The following VIRMA variants were observed in gnomAD, a reference collection of about 807,000 sequenced individuals.
The protein encoded by VIRMA is protein virilizer homolog.
A neutral mutation model predicts 182.4 loss-of-function variants in VIRMA; 65 were observed. That is an observed-to-expected ratio of 0.36 (90% CI 0.29 to 0.44). The LOEUF (loss-of-function observed/expected upper bound fraction) is 0.44, where lower values mean the gene tolerates loss of function less well. VIRMA is among the 20% of genes least tolerant of loss of function. VIRMA has a pLI of 1.00. For missense variants in VIRMA, 1,752 were observed against 2,158.1 expected, an observed-to-expected ratio of 0.81 and a Z score of 3.73; for synonymous variants, 709 against 743.1, an observed-to-expected ratio of 0.95 and a Z score of 0.75.
rs188488261 is a variant in VIRMA at position 94,542,433 on chromosome 8, A to G, written c.179+1394T>C. Among the ~76,000 whole-genome samples, 3 of 152,226 alleles carry G rather than the reference A, an allele frequency of 2.0e-5. No homozygotes were observed. In the East Asian group the frequency reaches 5.8e-4, roughly 29 times the overall value. On this transcript the variant is annotated intron_variant, in intron 2 of 23. Coordinates refer to ENST00000297591, the MANE Select transcript of VIRMA (RefSeq NM_015496.5). ...CAGTGTATATCTTGACTACAACTTCATGAAAGAACCTGAGCCAGCTAAGCG... is the reference window on the plus strand; with the variant it reads ...CAGTGTATATCTTGACTACAACTTCGTGAAAGAACCTGAGCCAGCTAAGCG...
intron 5 of VIRMA, among the ~76,000 whole-genome samples, chr8:94,532,353 C>T (rs1238636223): frequency 3.3e-5 from 5 of 152,174 alleles, no homozygotes; most frequent in African/African-American, 7.2e-5. Context: ...GTGATCTGCC[C>T]GCCTCGGCCT....
chr8:94,497,428 CT>C (rs558977365), intron 17 of VIRMA: 3 of 134,548 alleles, frequency 2.2e-5, no homozygotes, highest in Middle Eastern at 3.7e-3. Flanking sequence ...CTTTCTTTTT[CT>C]TTTTTTTTCT....
At chr8:94,502,645 G>A (rs1342969720) in intron 16 of VIRMA, among the ~76,000 whole-genome samples, 1 of 152,086 alleles carries the variant, frequency 6.6e-6, no homozygotes, top group Non-Finnish European at 1.5e-5. Flanking sequence ...CCAGATCCTG[G>A]TTTCTAAATA....
intron 11 of VIRMA, among the ~76,000 whole-genome samples, chr8:94,514,389 T>G (rs1372530818): frequency 6.6e-6 from 1 of 152,238 alleles, no homozygotes; most frequent in African/African-American, 2.4e-5. Flanking sequence ...ATTTTAACTG[T>G]TATGAATTAT....
chr8:94,536,718 G>A (rs776577494), intron 4 of VIRMA, among the ~76,000 whole-genome samples: 1 of 152,282 alleles, frequency 6.6e-6, no homozygotes, highest in Non-Finnish European at 1.5e-5. Flanking sequence ...GGTGGCTCAC[G>A]CCTGTAATCC....
In VIRMA at chr8:94,495,719, T is replaced by C; in HGVS notation, c.4544+12A>G. 1 of 1,608,192 alleles carries C rather than the reference T, an allele frequency of 6.2e-7. No individual in the cohort carries two copies. The highest frequency in any genetic ancestry group is 1.1e-5 in the South Asian group (1 of 90,072). ...CAACAGCTATTCAATCATAAAACAT[T>C]GTGTATTTTACCTATTGTTAAACAG... On this transcript the variant is annotated intron_variant, in intron 19 of 23. Coordinates refer to ENST00000297591, the MANE Select transcript of VIRMA (RefSeq NM_015496.5).
At chr8:94,553,068 G>T (rs772662564) in intron 1 of VIRMA, among the ~76,000 whole-genome samples, 2 of 151,986 alleles carry the variant, frequency 1.3e-5, no homozygotes, top group Non-Finnish European at 2.9e-5. Context: ...CCTCCCAAAC[G>T]CCATCTGAGG....
intron 15 of VIRMA, among the ~76,000 whole-genome samples, chr8:94,507,391 T>C (rs1023783071): frequency 2.0e-5 from 3 of 151,642 alleles, no homozygotes; most frequent in African/African-American, 7.3e-5. Flanking sequence ...TGCCTCGGCC[T>C]CCCAAAGTGC....
intron 16 of VIRMA, among the ~76,000 whole-genome samples, chr8:94,501,255 CAA>C (rs55726504): frequency 0.1 from 7,681 of 73,490 alleles, 220 homozygotes; most frequent in South Asian, 0.15. Flanking sequence ...GATTCCATCT[CAA>C]AAAAAAAAAA....
In VIRMA at chr8:94,491,765, A is replaced by T. The variant is rs767795722; in HGVS notation, c.4953T>A (p.Ser1651=). 3 of 1,613,988 alleles carry T rather than the reference A, an allele frequency of 1.9e-6. No individual in the cohort carries two copies. Among genetic ancestry groups the T allele is most frequent in the South Asian group, 2.2e-5 (2 of 91,062 alleles). ...QRKQNTSRPP[S]MHVDDFVAAE... is the part of the protein sequence containing the mutation. The stretch of plus-strand genomic sequence containing the variant: ...CAGCAACAAAGTCATCCACATGCAT[A>T]GATGGTGGTCTACTTGTGTTCTGTT... The change falls in exon 22 of 24, where the codon TCT becomes TCA. Residue 1651 remains serine, a synonymous_variant. Transcript: ENST00000297591.
At chr8:94,521,966 T>C (rs1436626246) in intron 8 of VIRMA, among the ~76,000 whole-genome samples, 1 of 152,158 alleles carries the variant, frequency 6.6e-6, no homozygotes, top group Non-Finnish European at 1.5e-5. Context: ...TCTGGGAACT[T>C]AGATTTCAAG....
rs1813504119 is a variant in VIRMA at position 94,488,164 on chromosome 8, AC to A, written c.*541del. 6.6e-6 allele frequency: 1 copy of A among 152,300 alleles called. No homozygotes were observed. The highest frequency in any genetic ancestry group is 2.1e-4 in the South Asian group (1 of 4,838). 9.4% of individuals were successfully genotyped at this position (152,300 alleles called of 1,614,324 possible). A position where few individuals can be genotyped will look rare whatever the true frequency, so the allele number is the denominator to read the frequency against. ...TTCCTTTCTATAACAACATATCTTT[AC>A]AAAACTGGGTTTTCAGCAGTTTGAT... On this transcript the variant is annotated 3_prime_UTR_variant, in exon 24 of 24. Coordinates refer to ENST00000297591, the MANE Select transcript of VIRMA (RefSeq NM_015496.5).
intron 9 of VIRMA, among the ~76,000 whole-genome samples, chr8:94,518,749 C>T (rs1477900225): frequency 6.6e-6 from 1 of 152,196 alleles, no homozygotes; most frequent in Non-Finnish European, 1.5e-5. Context: ...CAGTTGCAAT[C>T]TTTAACACCA....
chr8:94,510,623 T>C lies in VIRMA; in HGVS notation c.3420A>G (p.Ala1140=), dbSNP rs1684573510. Reference sequence around the variant, plus strand: ...TGCTCCACAATTTTCGGGTGTTGAGTGCCACTGATATATCATGTGGCTCAA... The same window carrying C: ...TGCTCCACAATTTTCGGGTGTTGAGCGCCACTGATATATCATGTGGCTCAA... ...QVIEPHDISV[A]LNTRKLWSMH... is the part of the protein sequence containing the mutation. Residue 1140 remains alanine, a synonymous_variant, in exon 14 of 24, where the codon GCA becomes GCG. Coordinates refer to ENST00000297591, the MANE Select transcript of VIRMA (RefSeq NM_015496.5). 1 of 1,613,984 alleles carries C rather than the reference T, an allele frequency of 6.2e-7. No individual in the cohort carries two copies. Among genetic ancestry groups the C allele is most frequent in the Non-Finnish European group, 8.5e-7 (1 of 1,179,858 alleles).
At chr8:94,538,963 G>A (rs1438838275) in intron 2 of VIRMA, among the ~76,000 whole-genome samples, 3 of 151,664 alleles carry the variant, frequency 2.0e-5, no homozygotes, top group Admixed American at 1.3e-4. Context: ...GTGCAGTGGC[G>A]TGACTACAGC....
chr8:94,502,563 T>C (rs1188210088), intron 16 of VIRMA, among the ~76,000 whole-genome samples: 1 of 151,838 alleles, frequency 6.6e-6, no homozygotes, highest in Admixed American at 6.6e-5. Flanking sequence ...CACATACGTA[T>C]ATTTCCCAGC....
chr8:94,539,709 T>A (rs185561806), intron 2 of VIRMA, among the ~76,000 whole-genome samples: 1 of 152,154 alleles, frequency 6.6e-6, no homozygotes, highest in African/African-American at 2.4e-5. Context: ...CGTTTGAACG[T>A]ACCCCACAAA....
intron 2 of VIRMA, among the ~76,000 whole-genome samples, chr8:94,542,444 T>G (rs1292277357): frequency 6.6e-6 from 1 of 152,214 alleles, no homozygotes; most frequent in Admixed American, 6.5e-5. Context: ...TGAAAGAACC[T>G]GAGCCAGCTA....
At position 94,510,555 on chromosome 8, in the gene VIRMA, C is replaced by A; in HGVS notation, c.3488G>T (p.Arg1163Leu). 6.2e-7 allele frequency: 1 copy of A among 1,613,976 alleles called. No individual in the cohort carries two copies. Among genetic ancestry groups the A allele is most frequent in the South Asian group, 1.1e-5 (1 of 91,072 alleles). Residue 1163 changes from arginine (R) to leucine (L), a missense_variant, in exon 14 of 24, where the codon CGC (arginine) becomes CTC (leucine). Physicochemically the swap from Arg to Leu is moderately radical, Grantham distance 102. This residue lies in a region of VIRMA where 777 missense variants were observed against 920.6 expected (regional missense o/e 0.84). Transcript: ENST00000297591. ...VQAKLLQEIV[R>L]SFSGTTCQPI... ...CTGGCAGGTTGTGCCAGAGAAAGAG[C>A]GAACTATTTCTTGGAGCAACTTTGC...
Sources: allele counts gnomAD v4.1 joint callset (sites outside exome capture counted in the v4.1 genomes callset), GRCh38; gene constraint gnomAD v4.1.1; regional missense constraint gnomAD v4.1.1; transcripts MANE v1.5; gene names NCBI Gene and HGNC (gene_info 2026-07-23, HGNC 2026-07-21).